ADORA2B: variants seen among roughly 807,000 people sequenced by gnomAD.
ADORA2B encodes adenosine A2b receptor.
A neutral mutation model predicts 20.8 loss-of-function variants in ADORA2B; 18 were observed. The ratio of observed to expected loss-of-function variants is 0.87; its 90% CI spans 0.60 to 1.29. ADORA2B has a LOEUF of 1.29. ADORA2B is among the 50% of genes most tolerant of loss of function. The pLI is 0.00. For missense variants in ADORA2B, 441 were observed against 422.7 expected (o/e 1.04, Z -0.38); for synonymous variants, 179 against 178.3 (o/e 1.00, Z -0.03).
intron 1 of ADORA2B, among the ~76,000 whole-genome samples, chr17:15,949,253 C>G (rs1969860932): frequency 6.6e-6 from 1 of 152,140 alleles, no homozygotes; most frequent in African/African-American, 2.4e-5. Context: ...TGGCTCACGC[C>G]TGTAATCCCA....
At chr17:15,965,202 C>T (rs866098833) in intron 1 of ADORA2B, among the ~76,000 whole-genome samples, 5 of 152,214 alleles carry the variant, frequency 3.3e-5, no homozygotes, top group Middle Eastern at 3.2e-3. Flanking sequence ...AAACCATGTT[C>T]ATGCACTTGA....
At chr17:15,939,729 C>T in the ADORA2B span, among the ~76,000 whole-genome samples, 8 of 151,638 alleles carry the variant, frequency 5.3e-5, no homozygotes, top group African/African-American at 1.7e-4. Context: ...GGTGTGGTGG[C>T]GGGTGCCTGT....
At chr17:15,916,136 C>A in the ADORA2B span, among the ~76,000 whole-genome samples, 3 of 152,144 alleles carry the variant, frequency 2.0e-5, no homozygotes, top group Non-Finnish European at 4.4e-5. Flanking sequence ...TACGAACAGG[C>A]GAAGACTCTT....
chr17:15,876,198 T>A, the ADORA2B span, among the ~76,000 whole-genome samples: 1 of 152,226 alleles, frequency 6.6e-6, no homozygotes, highest in Non-Finnish European at 1.5e-5. Flanking sequence ...TAATGCTTGA[T>A]GGTTTCCTTG....
the ADORA2B span, among the ~76,000 whole-genome samples, chr17:15,867,965 T>C: frequency 7.5e-3 from 1,133 of 151,480 alleles, 14 homozygotes; most frequent in Middle Eastern, 0.027. Context: ...AGAAATCGGA[T>C]GGTTGCCGTG....
chr17:15,933,768 G>A, the ADORA2B span, among the ~76,000 whole-genome samples: 2 of 145,290 alleles, frequency 1.4e-5, no homozygotes, highest in Non-Finnish European at 3.0e-5. Flanking sequence ...ATACATATAT[G>A]TGTGTGTATA....
the ADORA2B span, among the ~76,000 whole-genome samples, chr17:15,934,635 A>T: frequency 6.6e-6 from 1 of 152,082 alleles, no homozygotes; most frequent in Non-Finnish European, 1.5e-5. Context: ...ATTATTTGTT[A>T]AAATGTCAGA....
chr17:15,942,753 C>T (rs1282439236), upstream of ADORA2B, among the ~76,000 whole-genome samples: 2 of 152,230 alleles, frequency 1.3e-5, no homozygotes, highest in Non-Finnish European at 2.9e-5. Context: ...CCTGTGACCT[C>T]TGCGGACTGG....
chr17:15,934,564 T>C, the ADORA2B span, among the ~76,000 whole-genome samples: 1 of 152,144 alleles, frequency 6.6e-6, no homozygotes, highest in Non-Finnish European at 1.5e-5. Context: ...TATTTCTCCA[T>C]TGTTGACTTC....
chr17:15,874,661 C>T, the ADORA2B span, among the ~76,000 whole-genome samples: 6 of 152,092 alleles, frequency 3.9e-5, no homozygotes, highest in Non-Finnish European at 8.8e-5. Context: ...TACCCTACTC[C>T]AGTCTGAGCA....
chr17:15,866,900 TCA>T, the ADORA2B span, among the ~76,000 whole-genome samples: 1 of 152,222 alleles, frequency 6.6e-6, no homozygotes, highest in African/African-American at 2.4e-5. Context: ...TTCTCCTGCC[TCA>T]GCCTGCCGAG....
At chr17:15,884,646 C>A in the ADORA2B span, among the ~76,000 whole-genome samples, 1 of 152,162 alleles carries the variant, frequency 6.6e-6, no homozygotes, top group Admixed American at 6.5e-5. Context: ...ATTCAACTCC[C>A]ACTTATAAGT....
At chr17:15,947,870 A>G (rs1969829457) in intron 1 of ADORA2B, among the ~76,000 whole-genome samples, 1 of 152,194 alleles carries the variant, frequency 6.6e-6, no homozygotes, top group Admixed American at 6.5e-5. Flanking sequence ...ATCTTTAACC[A>G]GGGACATTTG....
the ADORA2B span, among the ~76,000 whole-genome samples, chr17:15,859,287 T>A: frequency 6.6e-6 from 1 of 151,998 alleles, no homozygotes. Context: ...GACAATTGCT[T>A]GCTTCCAGCA....
chr17:15,896,321 A>G, the ADORA2B span, among the ~76,000 whole-genome samples: 1 of 152,214 alleles, frequency 6.6e-6, no homozygotes, highest in African/African-American at 2.4e-5. Context: ...GTTTAAACAT[A>G]TTAAAGAGAT....
intron 1 of ADORA2B, among the ~76,000 whole-genome samples, chr17:15,960,136 C>T (rs545511289): frequency 1.8e-4 from 28 of 152,172 alleles, no homozygotes; most frequent in Non-Finnish European, 3.2e-4. Flanking sequence ...AATGTGGTGG[C>T]GCATGCCTAT....
rs113052648 is a variant in ADORA2B, at chr17:15,960,479, G to A, written c.336-14200G>A. ...TGAGGCAGGAGAATGGCGTGAACCC[G>A]GGAGGCGGAGCTTGCAGTGAGCCGA... On this transcript the variant is annotated intron_variant, in intron 1 of 1. Coordinates refer to ENST00000304222, the MANE Select transcript of ADORA2B (RefSeq NM_000676.4). 4.1e-3 allele frequency among the ~76,000 whole-genome samples: 32 copies of A among 7,840 alleles called. 8 individuals carry two copies. The highest frequency in any genetic ancestry group is 5.1e-3 in the African/African-American group (32 of 6,318). 5.1% of individuals were successfully genotyped at this position (7,840 alleles called of 152,430 possible).
chr17:15,925,901 C>G, the ADORA2B span, among the ~76,000 whole-genome samples: 11 of 151,920 alleles, frequency 7.2e-5, no homozygotes, highest in Non-Finnish European at 1.3e-4. Context: ...ACCCAGGAGG[C>G]AGAGGTTGCA....
At chr17:15,858,965 C>T in the ADORA2B span, 48 of 152,264 alleles carry the variant, frequency 3.2e-4, no homozygotes, top group African/African-American at 1.1e-3. Context: ...TCTCAGTGTG[C>T]TTGTGCTAGG....
Sources: allele counts gnomAD v4.1 joint callset (sites outside exome capture counted in the v4.1 genomes callset), GRCh38; gene constraint gnomAD v4.1.1; transcripts MANE v1.5; gene names NCBI Gene and HGNC (gene_info 2026-07-23, HGNC 2026-07-21).